TTN: variants seen among roughly 807,000 people sequenced by gnomAD.
The protein encoded by TTN is titin, also known as connectin.
TTN carries 1,525 observed loss-of-function variants against 3,223.0 expected under a neutral mutation model. That is an observed-to-expected ratio of 0.47 (90% CI 0.45 to 0.49). The LOEUF is 0.49. Among genes scored for constraint, TTN ranks in the 20% least tolerant of loss-of-function variants. The pLI is 0.00. For missense variants in TTN, 40,786 were observed against 43,424.0 expected (o/e 0.94, Z 5.40); for synonymous variants, 14,094 against 15,161.0 (o/e 0.93, Z 5.17).
chr2:178,589,836 G>C lies in TTN; in HGVS notation c.61889C>G (p.Ala20630Gly). 6.2e-7 allele frequency: 1 copy of C among 1,613,472 alleles called. No individual in the cohort carries two copies. The highest frequency in any genetic ancestry group is 8.5e-7 in the Non-Finnish European group (1 of 1,179,590). ...ASDVTKRLIK[A>G]NLLANNEYYF... ...GTATTCATTGTTGGCTAAAAGGTTG[G>C]CCTTGATTAATCGTTTAGTGACATC... The change falls in exon 304 of 363, where the codon GCC becomes GGC. Residue 20630 changes from alanine (A) to glycine (G), a missense_variant. Physicochemically the swap from Ala to Gly is moderately conservative, Grantham distance 60. Transcript: ENST00000589042.
rs756222708 is a variant in TTN, at chr2:178,611,132, A to G, written c.50997T>C (p.Asp16999=). 5 of 1,612,722 alleles carry G rather than the reference A, an allele frequency of 3.1e-6. No individual in the cohort carries two copies. Among genetic ancestry groups the G allele is most frequent in the East Asian group, 4.5e-5 (2 of 44,664 alleles). The change falls in exon 270 of 363, where the codon GAT becomes GAC. Residue 16999 remains aspartate (D), a synonymous_variant. Transcript: ENST00000589042. ...TGTGATCATTCTTCATTGTTAATCT[A>G]TCACTTGCTTTAACTTCTTTGCCAT... ...HKDGKEVKAS[D]RLTMKNDHIS... is the part of the protein sequence containing the mutation.
chr2:178,582,946 C>G lies in TTN; in HGVS notation c.65857G>C (p.Val21953Leu). 1 of 1,522,226 alleles carries G rather than the reference C, an allele frequency of 6.6e-7. No homozygotes were observed. Among genetic ancestry groups the G allele is most frequent in the East Asian group, 2.3e-5 (1 of 43,326 alleles). The allele number at this position is 1,522,226 out of a possible 1,614,324, so 94.3% of individuals were successfully genotyped here. A position where few individuals can be genotyped will look rare whatever the true frequency, so the allele number is the denominator to read the frequency against. ...GSKSATIKLK[V>L]LDKPGPPASV... Reference sequence around the variant, plus strand: ...AATGAAGTTTATTAGTTACCTAACACTTTAAGCTTAATGGTGGCTGATTTA... The same window carrying G: ...AATGAAGTTTATTAGTTACCTAACAGTTTAAGCTTAATGGTGGCTGATTTA... The change falls in exon 313 of 363, where the codon GTG (valine) becomes CTG (leucine). Residue 21953 changes from valine (V) to leucine (L), a missense_variant. By Grantham distance (32) the Val-to-Leu change is conservative (BLOSUM62 1). Coordinates refer to ENST00000589042, the MANE Select transcript of TTN (RefSeq NM_001267550.2).
chr2:178,770,024 T>A lies in TTN; in HGVS notation c.8641+36A>T, dbSNP rs1185705710. The A allele has an allele frequency of 4.3e-6, 7 of 1,614,046 alleles. No homozygotes were observed. The Admixed American group carries it at 1.0e-4, about 23-fold the overall frequency. ...AAACAAATAGATACATGGGGTTCAT[T>A]AAGGAAAGGGCTGTAGGGGGCTGCC... On this transcript the variant is annotated intron_variant, in intron 36 of 362. Coordinates refer to ENST00000589042, the MANE Select transcript of TTN (RefSeq NM_001267550.2).
intron 84 of TTN, 47 bp downstream of exon 84, chr2:178,718,648 C>A: frequency 6.2e-7 from 1 of 1,603,190 alleles, no homozygotes. Context: ...CTAATGAAGA[C>A]TTAAGAGAAA....
At chr2:178,778,799 A>G (rs1200933990) in intron 24 of TTN, 75 bp downstream of exon 24, 17 of 1,601,086 alleles carry the variant, frequency 1.1e-5, no homozygotes, top group Admixed American at 1.7e-5. Context: ...CTTCTTACAC[A>G]ATAGCAATTT....
chr2:178,749,082 C>A, intron 47 of TTN: 3 of 1,612,880 alleles, frequency 1.9e-6, no homozygotes, highest in South Asian at 2.2e-5. Flanking sequence ...TCTTCATATA[C>A]AATGGCAGAT....
At chr2:178,600,827 A>C in intron 288 of TTN, 27 bp downstream of exon 288, 1 of 1,612,272 alleles carries the variant, frequency 6.2e-7, no homozygotes, top group African/African-American at 1.3e-5. Flanking sequence ...TAAGGAGGAC[A>C]TTCTTTGTCA....
At chr2:178,686,341 C>T (rs1187211370) in intron 127 of TTN, among the ~76,000 whole-genome samples, 7 of 151,038 alleles carry the variant, frequency 4.6e-5, no homozygotes, top group Non-Finnish European at 8.8e-5. Flanking sequence ...GGGATGGTCT[C>T]GATCTCCTGA....
chr2:178,634,863 G>T lies in TTN; in HGVS notation c.42025-14C>A. The T allele has an allele frequency of 6.2e-7, 1 of 1,601,668 alleles. No individual in the cohort carries two copies. ...GATTTCACAAGTCTGAAAAACAATAGTTTTAGTAACCATTTGAAAGAGATA... is the reference window on the plus strand; with the variant it reads ...GATTTCACAAGTCTGAAAAACAATATTTTTAGTAACCATTTGAAAGAGATA... On this transcript the variant is annotated splice_polypyrimidine_tract_variant and intron_variant, in intron 228 of 362. Coordinates refer to ENST00000589042, the MANE Select transcript of TTN (RefSeq NM_001267550.2). The surrounding 1 kb of genome is among the most constrained non-coding windows in gnomAD (Gnocchi z 4.6).
At chr2:178,781,409 T>G (rs2092748667) in intron 20 of TTN, 146 bp from the exon 21 acceptor site, 3 of 909,620 alleles carry the variant, frequency 3.3e-6, no homozygotes, top group Non-Finnish European at 1.7e-6. Flanking sequence ...ATTATAAGAT[T>G]GCTGAAAATT....
Position 178,621,760 on chromosome 2 carries a change from C to G in TTN, c.45083-19G>C, listed in dbSNP as rs2058315044. The G allele has an allele frequency of 1.2e-6, 2 of 1,608,050 alleles. No individual in the cohort carries two copies. Among genetic ancestry groups the G allele is most frequent in the Non-Finnish European group, 1.7e-6 (2 of 1,177,798 alleles). On this transcript the variant is annotated intron_variant, in intron 244 of 362. Coordinates refer to ENST00000589042, the MANE Select transcript of TTN (RefSeq NM_001267550.2). ...TCTTCTTCTGCAAGCATTGAAAAAA[C>G]AAAAACCACATTGAGTTAAGCTGGA...
chr2:178,636,797 C>T lies in TTN; in HGVS notation c.40930G>A (p.Val13644Ile). The T allele has an allele frequency of 6.4e-7, 1 of 1,563,528 alleles. No homozygotes were observed. Among genetic ancestry groups the T allele is most frequent in the Non-Finnish European group, 8.6e-7 (1 of 1,157,158 alleles). ...AAKPKGPIKG[V>I]PKKTPSPIEA... ...ATTGGTGAAGGAGTCTTTTTGGGTA[C>T]ACCTAATTCAAAGTAAAATAAAAAG... is the stretch of plus-strand genomic sequence containing the variant. The change falls in exon 225 of 363, where the codon GTA becomes ATA. Residue 13644 changes from valine to isoleucine, a missense_variant and splice_region_variant. Transcript: ENST00000589042. This position sits in a 1 kb window ranked among gnomAD's most constrained non-coding sequence, Gnocchi z 4.3.
rs1056756805 is a variant in TTN at position 178,573,809 on chromosome 2, C to T, written c.72323G>A (p.Gly24108Asp). The change falls in exon 326 of 363, where the codon GGT (glycine) becomes GAT (aspartate). Residue 24108 changes from glycine to aspartate, a missense_variant. By Grantham distance (94) the Gly-to-Asp change is moderately conservative (BLOSUM62 -1). Transcript: ENST00000589042. ...GAYTLTATNP[G>D]GFAKHIFNVK... ...ATTGAAAATGTGTTTAGCAAAGCCACCAGGATTAGTCGCTGTAAGGGTATA... is the reference window on the plus strand; with the variant it reads ...ATTGAAAATGTGTTTAGCAAAGCCATCAGGATTAGTCGCTGTAAGGGTATA... 2.5e-6 allele frequency: 4 copies of T among 1,611,442 alleles called. No homozygotes were observed. The highest frequency in any genetic ancestry group is 1.7e-5 in the Admixed American group (1 of 59,834).
rs763956512 is a variant in TTN at position 178,784,125 on chromosome 2, G to T, written c.2720C>A (p.Thr907Asn). ...EVKKEVGVSITGTTVREERFE... is the reference protein window; with the variant it reads ...EVKKEVGVSINGTTVREERFE... ...GCGCTCTTCACGGACGGTGGTGCCA[G>T]TGATGCTCACCCCTACTTCCTTTTT... is the stretch of plus-strand genomic sequence containing the variant. Residue 907 changes from threonine (T) to asparagine (N), a missense_variant, in exon 16 of 363, where the codon ACT becomes AAT. Thr to Asn is a moderately conservative substitution (Grantham distance 65, BLOSUM62 0). Transcript: ENST00000589042. The T allele has an allele frequency of 3.1e-6, 5 of 1,613,992 alleles. No homozygotes were observed. Among genetic ancestry groups the T allele is most frequent in the Non-Finnish European group, 4.2e-6 (5 of 1,180,012 alleles).
chr2:178,554,173 G>C lies in TTN; in HGVS notation c.88938C>G (p.Thr29646=). The change falls in exon 333 of 363, where the codon ACC becomes ACG. Residue 29646 remains threonine, a synonymous_variant. Coordinates refer to ENST00000589042, the MANE Select transcript of TTN (RefSeq NM_001267550.2). ...PPGIPEVTKI[T]KNSMTVVWSR... Reference sequence around the variant, plus strand: ...TCCATACAACAGTCATCGAATTCTTGGTAATCTTTGTCACTTCTGGTATGC... The same window carrying C: ...TCCATACAACAGTCATCGAATTCTTCGTAATCTTTGTCACTTCTGGTATGC... The C allele has an allele frequency of 1.9e-6, 3 of 1,609,086 alleles. No homozygotes were observed. The highest frequency in any genetic ancestry group is 3.3e-4 in the Middle Eastern group (2 of 6,028).
At position 178,643,794 on chromosome 2, in the gene TTN, A is replaced by G. The variant is rs2061539627; in HGVS notation, c.40477+754T>C. ...ATTTATATGGGTGACTTTTTTCCCC[A>G]AAATTTCAGAGTGACCAGAAACAGT... On this transcript the variant is annotated intron_variant, in intron 218 of 362. Coordinates refer to ENST00000589042, the MANE Select transcript of TTN (RefSeq NM_001267550.2). Among the ~76,000 whole-genome samples the G allele has an allele frequency of 2.0e-5, 3 of 151,920 alleles. No individual in the cohort carries two copies. In the South Asian group the frequency reaches 6.2e-4, roughly 31 times the overall value.
In TTN at chr2:178,599,620, A is replaced by C; in HGVS notation, c.56281T>G (p.Leu18761Val). ...TTATTTACAGCTGTGATGGTATATA[A>C]GCCAGTGTCACTCCTGCGAGACTGC... Reference protein sequence around the residue: ...IPQSRRSDTGLYTITAVNNLG... With the variant: ...IPQSRRSDTGVYTITAVNNLG... Residue 18761 changes from leucine to valine, a missense_variant, in exon 289 of 363, where the codon TTA becomes GTA. By Grantham distance (32) the Leu-to-Val change is conservative. Transcript: ENST00000589042. 6.2e-7 allele frequency: 1 copy of C among 1,611,826 alleles called. No individual in the cohort carries two copies. The highest frequency in any genetic ancestry group is 8.5e-7 in the Non-Finnish European group (1 of 1,178,762).
chr2:178,653,284 T>C lies in TTN; in HGVS notation c.38745A>G (p.Lys12915=), dbSNP rs2154251724. ...GCTTTTTAGGAGGAGCCAAGGGCAC[T>C]TTCTTTTCAAGGACAACTTCTTTGG... The part of the protein sequence containing the change: ...EAPKEVVLEK[K]VPLAPPKKPE... The change falls in exon 198 of 363, where the codon AAA becomes AAG. Residue 12915 remains lysine (K), a synonymous_variant. Transcript: ENST00000589042. 1 of 1,612,486 alleles carries C rather than the reference T, an allele frequency of 6.2e-7. No homozygotes were observed. The highest frequency in any genetic ancestry group is 8.5e-7 in the Non-Finnish European group (1 of 1,179,516).
chr2:178,733,864 A>T lies in TTN; in HGVS notation c.15525T>A (p.Asp5175Glu). The T allele has an allele frequency of 6.2e-7, 1 of 1,602,154 alleles. No homozygotes were observed. Among genetic ancestry groups the T allele is most frequent in the Non-Finnish European group, 8.5e-7 (1 of 1,171,640 alleles). ...TTTGTCCTCCTAGTGCAATCAAATCATCTACTTTCTTTACAAAGGTTGGAG... is the reference window on the plus strand; with the variant it reads ...TTTGTCCTCCTAGTGCAATCAAATCTTCTACTTTCTTTACAAAGGTTGGAG... Reference protein sequence around the residue: ...KEPPTFVKKVDDLIALGGQTV... With the variant: ...KEPPTFVKKVEDLIALGGQTV... The change falls in exon 53 of 363, where the codon GAT (aspartate) becomes GAA (glutamate). Residue 5175 changes from aspartate to glutamate, a missense_variant. By Grantham distance (45) the Asp-to-Glu change is conservative. Transcript: ENST00000589042.
Sources: gnomAD v4.1 joint callset for allele counts (sites outside exome capture counted in the v4.1 genomes callset) on GRCh38, gnomAD v4.1.1 for gene constraint, Gnocchi (gnomAD v3.1) non-coding constraint, MANE v1.5 for transcripts, NCBI Gene and HGNC (gene_info 2026-07-23, HGNC 2026-07-21) for gene names.